The following KDM4C variants were observed in gnomAD, a reference collection of about 807,000 sequenced individuals.
The protein encoded by KDM4C is lysine demethylase 4C, also known as lysine-specific demethylase 4C.
In KDM4C, 81 loss-of-function variants were observed where a neutral mutation model predicts 129.3. The observed-to-expected ratio is 0.63, with a 90% CI of 0.52 to 0.75. KDM4C has a LOEUF of 0.75. KDM4C is among the 30% of genes least tolerant of loss of function. The pLI is 0.00. For missense variants in KDM4C, 1,457 were observed against 1,304.0 expected, an observed-to-expected ratio of 1.12 and a Z score of -1.81; for synonymous variants, 573 against 456.1, an observed-to-expected ratio of 1.26 and a Z score of -3.26.
At chr9:6,825,556 A>G (rs1186299638) in intron 4 of KDM4C, among the ~76,000 whole-genome samples, 1 of 152,232 alleles carries the variant, frequency 6.6e-6, no homozygotes, top group Admixed American at 6.5e-5. Flanking sequence ...ACTGGAAGCC[A>G]TGGAGTTCTT....
intron 8 of KDM4C, among the ~76,000 whole-genome samples, chr9:6,969,898 T>G (rs994070303): frequency 9.2e-5 from 14 of 152,248 alleles, no homozygotes; most frequent in Admixed American, 8.5e-4. Flanking sequence ...TGTTGATTTC[T>G]TTCTCAGGCA....
rs897369949 is a variant in KDM4C, at chr9:6,925,284, A to G, written c.921+32052A>G. 239 of 985,292 alleles carry G rather than the reference A, an allele frequency of 2.4e-4. 1 individual carries two copies. Among genetic ancestry groups the G allele is most frequent in the Non-Finnish European group, 2.8e-4 (232 of 829,802 alleles). 61.0% of individuals were successfully genotyped at this position (985,292 alleles called of 1,614,324 possible). A position where few individuals can be genotyped will look rare whatever the true frequency, so the allele number is the denominator to read the frequency against. The stretch of plus-strand genomic sequence containing the variant: ...ATTGTAGGAGGTAGTTACTATGGGA[A>G]AATATAATAATGGAGGTCAAATAAA... On this transcript the variant is annotated intron_variant, in intron 8 of 21. Coordinates refer to ENST00000381309, the MANE Select transcript of KDM4C (RefSeq NM_015061.6).
At chr9:7,018,157 A>C (rs1209385708) in intron 15 of KDM4C, among the ~76,000 whole-genome samples, 1 of 152,218 alleles carries the variant, frequency 6.6e-6, no homozygotes, top group Non-Finnish European at 1.5e-5. Flanking sequence ...CCTGGATGGT[A>C]TAGCCTGCTA....
intron 8 of KDM4C, among the ~76,000 whole-genome samples, chr9:6,941,979 A>G (rs1437404805): frequency 6.6e-6 from 1 of 152,188 alleles, no homozygotes; most frequent in Admixed American, 6.5e-5. Flanking sequence ...TCACATAACC[A>G]TATGGATTTA....
chr9:6,852,738 G>C (rs962112817), intron 5 of KDM4C, among the ~76,000 whole-genome samples: 3 of 152,042 alleles, frequency 2.0e-5, no homozygotes, highest in African/African-American at 7.2e-5. Context: ...CCTTCCTCTT[G>C]AATTCTACCT....
intron 12 of KDM4C, among the ~76,000 whole-genome samples, chr9:7,006,091 A>G (rs1276783884): frequency 6.6e-6 from 1 of 152,240 alleles, no homozygotes; most frequent in African/African-American, 2.4e-5. Flanking sequence ...TAAACACTGT[A>G]TGTTTACACC....
At chr9:7,082,517 A>G (rs1337853830) in intron 17 of KDM4C, among the ~76,000 whole-genome samples, 4 of 152,160 alleles carry the variant, frequency 2.6e-5, no homozygotes. Context: ...TGGCTTTTTC[A>G]GTAGCCTTAT....
At position 7,070,338 on chromosome 9, in the gene KDM4C, C is replaced by A. The variant is rs147461930; in HGVS notation, c.2424+21138C>A. On this transcript the variant is annotated intron_variant, in intron 17 of 21. Transcript: ENST00000381309. The stretch of plus-strand genomic sequence containing the variant: ...AAGGAAGAAATTATAGCAGTTCTAC[C>A]TAAACACTTTTAAAAAATTAGAAGT... Among the ~76,000 whole-genome samples, 1,161 of 152,154 alleles carry A rather than the reference C, an allele frequency of 7.6e-3. 10 individuals are homozygous for A. Among genetic ancestry groups the A allele is most frequent in the African/African-American group, 0.027 (1,105 of 41,506 alleles).
intron 1 of KDM4C, 126 bp from the exon 2 acceptor site, chr9:6,792,846 G>A (rs1296712693): frequency 1.1e-6 from 1 of 934,782 alleles, no homozygotes; most frequent in Non-Finnish European, 1.7e-6. Flanking sequence ...CCTGAGACTG[G>A]TAGAAGGGAA....
intron 1 of KDM4C, among the ~76,000 whole-genome samples, chr9:6,736,138 G>C (rs2918184): frequency 0.58 from 88,752 of 151,996 alleles, 26,773 homozygotes; most frequent in African/African-American, 0.75. Flanking sequence ...TTCCTAGCAT[G>C]AAAGCATTCG....
chr9:6,794,697 G>A (rs1351787645), intron 2 of KDM4C, among the ~76,000 whole-genome samples: 1 of 152,070 alleles, frequency 6.6e-6, no homozygotes, highest in Non-Finnish European at 1.5e-5. Context: ...GGATATGTTT[G>A]AAAATATCAT....
chr9:7,012,670 A>G (rs775675370), intron 13 of KDM4C, among the ~76,000 whole-genome samples: 12 of 152,262 alleles, frequency 7.9e-5, no homozygotes, highest in Admixed American at 2.6e-4. Context: ...TTCCATAGAT[A>G]TTATACTGAT....
chr9:6,825,045 C>T (rs1833663912), intron 4 of KDM4C, among the ~76,000 whole-genome samples: 1 of 149,256 alleles, frequency 6.7e-6, no homozygotes, highest in Admixed American at 6.8e-5. Flanking sequence ...ACCCGAGAGG[C>T]AGAGTCAAGA....
chr9:7,133,996 C>T (rs945982953), intron 19 of KDM4C, among the ~76,000 whole-genome samples: 4 of 152,182 alleles, frequency 2.6e-5, no homozygotes, highest in African/African-American at 9.7e-5. Context: ...CTCACCTCAG[C>T]TTTGGAAGCC....
chr9:6,867,461 C>G (rs1347134366), intron 5 of KDM4C, among the ~76,000 whole-genome samples: 2 of 152,032 alleles, frequency 1.3e-5, no homozygotes, highest in Non-Finnish European at 2.9e-5. Flanking sequence ...CAGAAGATTC[C>G]TATATAAGGT....
At chr9:7,047,207 G>C (rs1333982823) in intron 16 of KDM4C, among the ~76,000 whole-genome samples, 1 of 151,962 alleles carries the variant, frequency 6.6e-6, no homozygotes, top group African/African-American at 2.4e-5. Context: ...TATCATCCAG[G>C]TGCCATTAGA....
chr9:6,792,994 G>C lies in KDM4C; in HGVS notation c.6G>C (p.Glu2Asp). 6.2e-7 allele frequency: 1 copy of C among 1,614,178 alleles called. No individual in the cohort carries two copies. The highest frequency in any genetic ancestry group is 8.5e-7 in the Non-Finnish European group (1 of 1,180,030). Residue 2 changes from glutamate (E) to aspartate (D), a missense_variant, in exon 2 of 22, where the codon GAG becomes GAC. Coordinates refer to ENST00000381309, the MANE Select transcript of KDM4C (RefSeq NM_015061.6). ...CAGACACTGCCCTAACCATCATGGA[G>C]GTGGCCGAGGTGGAAAGTCCTCTGA... M[E>D]VAEVESPLNP... is the part of the protein sequence containing the mutation.
chr9:7,129,430 C>G (rs930433599), intron 19 of KDM4C, among the ~76,000 whole-genome samples: 1 of 152,150 alleles, frequency 6.6e-6, no homozygotes, highest in African/African-American at 2.4e-5. Flanking sequence ...AATTGTGTTT[C>G]TTACCAGGGT....
chr9:7,100,488 C>T (rs1836949385), intron 17 of KDM4C, among the ~76,000 whole-genome samples: 1 of 152,082 alleles, frequency 6.6e-6, no homozygotes, highest in Non-Finnish European at 1.5e-5. Flanking sequence ...TACAGGTGCT[C>T]ACCACAACTC....
Sources: gnomAD v4.1 joint callset for allele counts (sites outside exome capture counted in the v4.1 genomes callset) on GRCh38, gnomAD v4.1.1 for gene constraint, MANE v1.5 for transcripts, NCBI Gene and HGNC (gene_info 2026-07-23, HGNC 2026-07-21) for gene names.